CACNA2D3: variants seen among roughly 807,000 people sequenced by gnomAD.
CACNA2D3 encodes the protein voltage-dependent calcium channel subunit alpha-2/delta-3.
Under a neutral mutation model 160.6 loss-of-function variants are expected in CACNA2D3, and 60 were observed. The observed-to-expected ratio is 0.37, with a 90% confidence interval of 0.30 to 0.46. The LOEUF (loss-of-function observed/expected upper bound fraction) is 0.46. Among genes scored for constraint, CACNA2D3 ranks in the 20% least tolerant of loss-of-function variants. CACNA2D3 has a pLI of 1.00. For synonymous variants in CACNA2D3, 558 were observed against 492.9 expected, an observed-to-expected ratio of 1.13 and a Z score of -1.75; for missense variants, 1,205 against 1,365.0, an observed-to-expected ratio of 0.88 and a Z score of 1.85.
At chr3:54,353,452 A>G (rs1466173531) in intron 3 of CACNA2D3, among the ~76,000 whole-genome samples, 1 of 144,582 alleles carries the variant, frequency 6.9e-6, no homozygotes, top group Non-Finnish European at 1.5e-5. Context: ...AAGGTCCAGG[A>G]ATAGCATTTT....
intron 4 of CACNA2D3, among the ~76,000 whole-genome samples, chr3:54,418,514 A>G (rs182824658): frequency 1.2e-4 from 19 of 152,338 alleles, no homozygotes; most frequent in Admixed American, 1.0e-3. Flanking sequence ...TCTGGTCAGA[A>G]TGCCTCTTCG....
chr3:54,744,496 G>A (rs1371015794), intron 11 of CACNA2D3, among the ~76,000 whole-genome samples: 1 of 152,164 alleles, frequency 6.6e-6, no homozygotes, highest in Non-Finnish European at 1.5e-5. Flanking sequence ...CCACTGCCAA[G>A]TTCTCAGTGG....
At chr3:54,284,651 A>C (rs1409700100) in intron 2 of CACNA2D3, among the ~76,000 whole-genome samples, 1 of 152,226 alleles carries the variant, frequency 6.6e-6, no homozygotes, top group Non-Finnish European at 1.5e-5. Context: ...ATAAAGTGTA[A>C]AAAATGAATT....
At position 54,216,094 on chromosome 3, in the gene CACNA2D3, C is replaced by A. The variant is rs554378026; in HGVS notation, c.204+92500C>A. Among the ~76,000 whole-genome samples the A allele has an allele frequency of 2.6e-5, 4 of 151,840 alleles. No homozygotes were observed. In the South Asian group the frequency reaches 8.4e-4, roughly 32 times the overall value. Reference sequence around the variant, plus strand: ...CCTTTGAGAGCTTGTGCGCTGTGTTCCTATGTATCCTCTGACACTACCCTG... The same window carrying A: ...CCTTTGAGAGCTTGTGCGCTGTGTTACTATGTATCCTCTGACACTACCCTG... On this transcript the variant is annotated intron_variant, in intron 2 of 37. Coordinates refer to ENST00000474759, the MANE Select transcript of CACNA2D3 (RefSeq NM_018398.3).
intron 10 of CACNA2D3, among the ~76,000 whole-genome samples, chr3:54,630,362 C>T (rs997692165): frequency 1.3e-5 from 2 of 152,154 alleles, no homozygotes; most frequent in Admixed American, 6.5e-5. Context: ...TCTGTCCATC[C>T]CTTCCATCTG....
intron 9 of CACNA2D3, among the ~76,000 whole-genome samples, chr3:54,621,538 A>G (rs1023435653): frequency 1.3e-5 from 2 of 152,190 alleles, no homozygotes; most frequent in African/African-American, 4.8e-5. Context: ...CTCCTCCTTT[A>G]TTGAGGTTTA....
At chr3:54,835,599 CA>C (rs1256391964) in intron 14 of CACNA2D3, among the ~76,000 whole-genome samples, 1 of 152,158 alleles carries the variant, frequency 6.6e-6, no homozygotes, top group Non-Finnish European at 1.5e-5. Context: ...TGCCTCTTTC[CA>C]AGTAGATTGA....
At chr3:54,463,696 C>T (rs933126390) in intron 4 of CACNA2D3, among the ~76,000 whole-genome samples, 1 of 152,132 alleles carries the variant, frequency 6.6e-6, no homozygotes, top group African/African-American at 2.4e-5. Flanking sequence ...AAGTTTTTAA[C>T]TTTTTTGCCT....
chr3:54,867,208 A>G (rs1168713), intron 17 of CACNA2D3, among the ~76,000 whole-genome samples: 86,443 of 151,928 alleles, frequency 0.57, 25,040 homozygotes, highest in East Asian at 0.72. Flanking sequence ...TTAAAACTGC[A>G]TGGGAGAAGG....
At chr3:54,627,310 C>A (rs1275258067) in intron 9 of CACNA2D3, among the ~76,000 whole-genome samples, 1 of 152,098 alleles carries the variant, frequency 6.6e-6, no homozygotes, top group Non-Finnish European at 1.5e-5. Flanking sequence ...GAGGCTGGTG[C>A]TCTGAGAATA....
At chr3:54,544,932 A>G (rs1412073491) in intron 5 of CACNA2D3, among the ~76,000 whole-genome samples, 1 of 152,214 alleles carries the variant, frequency 6.6e-6, no homozygotes, top group Non-Finnish European at 1.5e-5. Context: ...AAATGGTAAA[A>G]TCGTGGAGGA....
chr3:54,468,718 C>T (rs1429424780), intron 4 of CACNA2D3, among the ~76,000 whole-genome samples: 1 of 152,136 alleles, frequency 6.6e-6, no homozygotes, highest in Non-Finnish European at 1.5e-5. Context: ...CTGAAGTCTA[C>T]CTGGGATGCT....
At chr3:54,361,735 T>C (rs1384099631) in intron 3 of CACNA2D3, among the ~76,000 whole-genome samples, 1 of 152,108 alleles carries the variant, frequency 6.6e-6, no homozygotes, top group Non-Finnish European at 1.5e-5. Context: ...TTGTCTGGTA[T>C]AATGGGAATG....
At chr3:54,984,480 T>G in intron 29 of CACNA2D3, 128 bp from the exon 30 acceptor site, 1 of 660,688 alleles carries the variant, frequency 1.5e-6, no homozygotes, top group East Asian at 2.8e-5. Context: ...TGCAATTGCC[T>G]GAAAACAATT....
chr3:54,538,531 G>C (rs898566753), intron 5 of CACNA2D3, among the ~76,000 whole-genome samples: 1 of 152,110 alleles, frequency 6.6e-6, no homozygotes, highest in African/African-American at 2.4e-5. Context: ...GGGCTGTAAT[G>C]CTCCTCTGAC....
intron 4 of CACNA2D3, among the ~76,000 whole-genome samples, chr3:54,485,708 C>T (rs754876859): frequency 3.2e-4 from 48 of 152,146 alleles, no homozygotes; most frequent in South Asian, 1.0e-3. Flanking sequence ...GGACTACAGA[C>T]GTGCAACAGC....
At chr3:54,917,763 C>A (rs1700698126) in intron 27 of CACNA2D3, among the ~76,000 whole-genome samples, 1 of 152,024 alleles carries the variant, frequency 6.6e-6, no homozygotes, top group Non-Finnish European at 1.5e-5. Flanking sequence ...TGTTATTTAC[C>A]CTTGCATCAG....
At chr3:54,471,567 G>A (rs1700731773) in intron 4 of CACNA2D3, among the ~76,000 whole-genome samples, 1 of 152,096 alleles carries the variant, frequency 6.6e-6, no homozygotes, top group Non-Finnish European at 1.5e-5. Flanking sequence ...AGAACTGAAG[G>A]AGATAGAGAT....
At chr3:54,633,597 G>A (rs1699294635) in intron 10 of CACNA2D3, 2 of 149,818 alleles carry the variant, frequency 1.3e-5, no homozygotes, top group African/African-American at 4.9e-5. Context: ...AGGAAGAGGA[G>A]GGACCAGGCT....
Sources: gnomAD v4.1 joint callset for allele counts (sites outside exome capture counted in the v4.1 genomes callset) on GRCh38, gnomAD v4.1.1 for gene constraint, MANE v1.5 for transcripts, NCBI Gene and HGNC (gene_info 2026-07-23, HGNC 2026-07-21) for gene names.